Variants in DISC1 observed in about 807,000 individuals in gnomAD.
DISC1 encodes the protein DISC1 scaffold protein.
DISC1 carries 57 observed loss-of-function variants against 84.5 expected under a neutral mutation model. The ratio of observed to expected loss-of-function variants is 0.67; its 90% CI spans 0.55 to 0.84. The LOEUF (loss-of-function observed/expected upper bound fraction) is 0.84, where lower values mean the gene tolerates loss of function less well. Among genes scored for constraint, DISC1 ranks in the 40% least tolerant of loss-of-function variants. The pLI is 0.00. For missense variants in DISC1, 1,000 were observed against 1,057.8 expected, an observed-to-expected ratio of 0.95 and a Z score of 0.76; for synonymous variants, 411 against 415.2, an observed-to-expected ratio of 0.99 and a Z score of 0.12.
chr1:231,780,128 C>T (rs2077293003), intron 6 of DISC1, among the ~76,000 whole-genome samples: 1 of 151,260 alleles, frequency 6.6e-6, no homozygotes, highest in Non-Finnish European at 1.5e-5. Flanking sequence ...GGGAGATATA[C>T]CTAATGCTAG....
intron 4 of DISC1, among the ~76,000 whole-genome samples, chr1:231,753,984 T>C (rs2074880778): frequency 6.6e-6 from 1 of 152,212 alleles, no homozygotes; most frequent in Non-Finnish European, 1.5e-5. Context: ...CCCAATAAGT[T>C]TCTCATTTCC....
At chr1:231,936,196 A>G (rs563580196) in intron 9 of DISC1, among the ~76,000 whole-genome samples, 1 of 152,280 alleles carries the variant, frequency 6.6e-6, no homozygotes, top group East Asian at 1.9e-4. Context: ...CCCTGGGGTC[A>G]TCTACACCTC....
chr1:231,938,941 C>CT (rs2091141287), intron 9 of DISC1, among the ~76,000 whole-genome samples: 1 of 152,156 alleles, frequency 6.6e-6, no homozygotes, highest in Non-Finnish European at 1.5e-5. Flanking sequence ...ATTCTTTCCT[C>CT]TCTGTTTTAT....
At chr1:231,784,215 A>C (rs905888345) in intron 6 of DISC1, among the ~76,000 whole-genome samples, 18 of 151,518 alleles carry the variant, frequency 1.2e-4, no homozygotes, top group African/African-American at 4.4e-4. Context: ...GTAAACCGAG[A>C]TCGCACCATT....
intron 3 of DISC1, among the ~76,000 whole-genome samples, chr1:231,703,916 T>C (rs540533532): frequency 1.3e-4 from 20 of 152,306 alleles, no homozygotes; most frequent in Middle Eastern, 3.4e-3. Context: ...GTGCAGAGTT[T>C]ATGCTAGTGA....
At chr1:231,710,744 C>T (rs1416398025) in intron 3 of DISC1, among the ~76,000 whole-genome samples, 2 of 152,164 alleles carry the variant, frequency 1.3e-5, no homozygotes, top group Middle Eastern at 6.8e-3. Context: ...ATAAGGACAC[C>T]AGTCATATTG....
chr1:231,664,984 A>G (rs897859586), intron 1 of DISC1, among the ~76,000 whole-genome samples: 1 of 152,248 alleles, frequency 6.6e-6, no homozygotes, highest in Non-Finnish European at 1.5e-5. Context: ...TTACTACCAT[A>G]AAATGATACA....
At chr1:231,891,021 G>A (rs1005908126) in intron 9 of DISC1, among the ~76,000 whole-genome samples, 1 of 152,138 alleles carries the variant, frequency 6.6e-6, no homozygotes, top group Non-Finnish European at 1.5e-5. Flanking sequence ...AGGAAACTGA[G>A]GGATAGACAC....
intron 9 of DISC1, among the ~76,000 whole-genome samples, chr1:231,924,585 A>T (rs773757914): frequency 6.6e-6 from 1 of 152,108 alleles, no homozygotes; most frequent in Non-Finnish European, 1.5e-5. Context: ...TCCTTTAGAG[A>T]TAGGAGTTCT....
chr1:231,734,984 C>T (rs569396941), intron 3 of DISC1, among the ~76,000 whole-genome samples: 1 of 152,176 alleles, frequency 6.6e-6, no homozygotes, highest in Non-Finnish European at 1.5e-5. Context: ...AACCAAATCT[C>T]CACTTTTATG....
intron 6 of DISC1, among the ~76,000 whole-genome samples, chr1:231,783,319 C>G (rs1372922895): frequency 6.6e-6 from 1 of 151,948 alleles, no homozygotes; most frequent in Non-Finnish European, 1.5e-5. Flanking sequence ...TAATTTATTT[C>G]CTTATTATTG....
chr1:231,705,553 C>T (rs750059074), intron 3 of DISC1, among the ~76,000 whole-genome samples: 46 of 151,832 alleles, frequency 3.0e-4, no homozygotes, highest in Non-Finnish European at 3.5e-4. Context: ...AGGAGACTTG[C>T]GGCTGACTAT....
chr1:231,936,183 C>T (rs1250785546), intron 9 of DISC1, among the ~76,000 whole-genome samples: 3 of 152,076 alleles, frequency 2.0e-5, no homozygotes, highest in South Asian at 2.1e-4. Context: ...GGTTGGTTCA[C>T]GGCCCTGGGG....
At chr1:231,846,626 G>A (rs776055255) in intron 9 of DISC1, among the ~76,000 whole-genome samples, 11 of 152,146 alleles carry the variant, frequency 7.2e-5, no homozygotes, top group East Asian at 1.9e-4. Context: ...GTTCCAAATC[G>A]CATCTTTACT....
At chr1:231,946,499 A>C (rs2185632) in intron 9 of DISC1, among the ~76,000 whole-genome samples, 1 of 152,132 alleles carries the variant, frequency 6.6e-6, no homozygotes, top group Non-Finnish European at 1.5e-5. Context: ...ACCCACAGCC[A>C]ATATTATACT....
Position 231,767,207 on chromosome 1 carries a change from G to T in DISC1, c.1336G>T (p.Asp446Tyr). Residue 446 changes from aspartate (D) to tyrosine (Y), a missense_variant, in exon 5 of 13, where the codon GAC becomes TAC. Around this residue, in one of 3 missense-constraint regions of DISC1, gnomAD observed 311 missense variants for 400.1 expected, o/e 0.78. Transcript: ENST00000439617. ...EPRLLEPTAQ[D>Y]SLHVSITRRD... is the part of the protein sequence containing the mutation. ...GAGGCTGTTGGAACCCACTGCTCAGGACAGCTTGCACGTGTCCATCACGAG... is the reference window on the plus strand; with the variant it reads ...GAGGCTGTTGGAACCCACTGCTCAGTACAGCTTGCACGTGTCCATCACGAG... 6.2e-7 allele frequency: 1 copy of T among 1,614,212 alleles called. No homozygotes were observed. Among genetic ancestry groups the T allele is most frequent in the Non-Finnish European group, 8.5e-7 (1 of 1,180,032 alleles).
intron 9 of DISC1, among the ~76,000 whole-genome samples, chr1:231,882,641 G>C (rs1404700378): frequency 1.3e-5 from 2 of 152,144 alleles, no homozygotes; most frequent in Non-Finnish European, 2.9e-5. Flanking sequence ...CTTATTTGCT[G>C]TCTATGCAAT....
chr1:231,762,229 T>C (rs1335385939), intron 4 of DISC1, among the ~76,000 whole-genome samples: 2,114 of 51,352 alleles, frequency 0.041, 60 homozygotes, highest in African/African-American at 0.12. Flanking sequence ...TTTTCTTTTC[T>C]TTTCTTTTCT....
chr1:232,011,071 C>T (rs1667978799), intron 11 of DISC1, among the ~76,000 whole-genome samples: 2 of 152,128 alleles, frequency 1.3e-5, no homozygotes, highest in African/African-American at 2.4e-5. Flanking sequence ...CTCCCTTTCT[C>T]CCTCCTTCTC....
Sources: gnomAD v4.1 joint callset for allele counts (sites outside exome capture counted in the v4.1 genomes callset) on GRCh38, gnomAD v4.1.1 for gene constraint, gnomAD v4.1.1 regional missense constraint, MANE v1.5 for transcripts, NCBI Gene and HGNC (gene_info 2026-07-23, HGNC 2026-07-21) for gene names.